Variants in SYNE1 observed in about 807,000 individuals in gnomAD.
SYNE1 encodes the protein spectrin repeat containing nuclear envelope protein 1.
Under a neutral mutation model 1,111.0 loss-of-function variants are expected in SYNE1, and 616 were observed. That is an observed-to-expected ratio of 0.55 (90% CI 0.52 to 0.59). The LOEUF (loss-of-function observed/expected upper bound fraction) is 0.59. SYNE1 is among the 20% of genes least tolerant of loss of function. The probability of loss-of-function intolerance (pLI) is 0.00; values close to 1 mark genes in which losing one functional copy is unlikely to be tolerated. For missense variants in SYNE1, 10,006 were observed against 10,417.0 expected (o/e 0.96, Z 1.72); for synonymous variants, 3,855 against 3,825.8 (o/e 1.01, Z -0.28).
chr6:152,605,024 GA>G (rs1186312999), intron 3 of SYNE1, among the ~76,000 whole-genome samples: 8 of 72,998 alleles, frequency 1.1e-4, no homozygotes, highest in African/African-American at 1.9e-4. Context: ...GAGAGAGAGA[GA>G]GAGAGAGAGA....
chr6:152,275,417 C>T (rs2093543140), intron 98 of SYNE1, among the ~76,000 whole-genome samples: 2 of 152,102 alleles, frequency 1.3e-5, no homozygotes, highest in Admixed American at 1.3e-4. Flanking sequence ...TGATTATTTA[C>T]AGAGTGAGTC....
rs186088819 is a variant in SYNE1 at position 152,289,817 on chromosome 6, G to A, written c.18012+3771C>T. Among the ~76,000 whole-genome samples the A allele has an allele frequency of 3.7e-3, 562 of 152,120 alleles. 2 individuals carry two copies. Among genetic ancestry groups the A allele is most frequent in the Admixed American group, 6.3e-3 (97 of 15,284 alleles). On this transcript the variant is annotated intron_variant, in intron 95 of 145. Transcript: ENST00000367255. ...AAGTTTTTGTATTTTTAGTAGAGAC[G>A]GGGTTTCACCATGTTAGCCAGGATG...
chr6:152,143,839 G>A, intron 137 of SYNE1, 74 bp from the exon 138 acceptor site: 1 of 1,604,834 alleles, frequency 6.2e-7, no homozygotes, highest in Non-Finnish European at 8.5e-7. Context: ...TCAAGGAGAA[G>A]TTTCAGAAAT....
intron 3 of SYNE1, chr6:152,546,547 G>T (rs2099314128): frequency 6.6e-6 from 1 of 152,176 alleles, no homozygotes. Context: ...TCTGCTCTGA[G>T]ACCTCTACAC....
At chr6:152,457,077 C>T (rs2098701194) in intron 22 of SYNE1, among the ~76,000 whole-genome samples, 1 of 151,902 alleles carries the variant, frequency 6.6e-6, no homozygotes, top group Non-Finnish European at 1.5e-5. Context: ...GGAGATATCA[C>T]CATGTCTAAA....
rs777048620 is a variant in SYNE1 at position 152,331,419 on chromosome 6, G to GA, written c.13265dup (p.Ile4423HisfsTer7). 1 of 1,614,144 alleles carries GA rather than the reference G, an allele frequency of 6.2e-7. No individual in the cohort carries two copies. The highest frequency in any genetic ancestry group is 8.5e-7 in the Non-Finnish European group (1 of 1,180,028). On this transcript the variant is annotated frameshift_variant, in exon 78 of 146. Transcript: ENST00000367255. LOFTEE classifies it high-confidence loss of function. ...GTGCATCAGAGAGAGCCTTCTGGAT[G>GA]ACCTGTCGCTCATTGAGACCAAGAT... is the stretch of plus-strand genomic sequence containing the variant.
rs1202636473 is a variant in SYNE1 at position 152,330,741 on chromosome 6, C to T, written c.13944G>A (p.Leu4648=). Residue 4648 remains leucine (L), a synonymous_variant, in exon 78 of 146, where the codon TTG becomes TTA. Coordinates refer to ENST00000367255, the MANE Select transcript of SYNE1 (RefSeq NM_182961.4). ...HSYLSEKLNA[L]PRQFNVIVAL... ...CAACAATTACATTAAATTGTCGAGGCAAAGCATTTAGCTTTTCACTGAGGT... is the reference window on the plus strand; with the variant it reads ...CAACAATTACATTAAATTGTCGAGGTAAAGCATTTAGCTTTTCACTGAGGT... The T allele has an allele frequency of 6.2e-7, 1 of 1,613,902 alleles. No individual in the cohort carries two copies. The highest frequency in any genetic ancestry group is 1.3e-5 in the African/African-American group (1 of 74,910).
intron 10 of SYNE1, among the ~76,000 whole-genome samples, chr6:152,499,628 T>A (rs2099018102): frequency 1.3e-5 from 2 of 152,136 alleles, no homozygotes; most frequent in South Asian, 4.1e-4. Flanking sequence ...AAAGGTTCAC[T>A]AGACAGAATT....
intron 29 of SYNE1, among the ~76,000 whole-genome samples, 176 bp downstream of exon 29, chr6:152,447,282 A>G (rs1049825861): frequency 6.6e-6 from 1 of 152,246 alleles, no homozygotes; most frequent in African/African-American, 2.4e-5. Context: ...CAGACCATAC[A>G]TCAAACATCC....
intron 56 of SYNE1, among the ~76,000 whole-genome samples, chr6:152,380,391 C>T (rs1224316998): frequency 6.6e-6 from 1 of 151,694 alleles, no homozygotes; most frequent in Non-Finnish European, 1.5e-5. Flanking sequence ...GCTCATTCTT[C>T]GGTCTCCCTT....
At chr6:152,509,919 C>G (rs1384222967) in intron 8 of SYNE1, among the ~76,000 whole-genome samples, 1 of 152,102 alleles carries the variant, frequency 6.6e-6, no homozygotes, top group East Asian at 1.9e-4. Context: ...ATAGAATTAT[C>G]CCTCATGCTA....
In SYNE1 at chr6:152,347,100, T is replaced by G. The variant is rs780537297; in HGVS notation, c.12037A>C (p.Thr4013Pro). ...CAGATCGCTGAGTAGCTGTCCTTTGTGCCCTGCAGATGAGCATGCACGTTT... is the reference window on the plus strand; with the variant it reads ...CAGATCGCTGAGTAGCTGTCCTTTGGGCCCTGCAGATGAGCATGCACGTTT... ...KQNVHAHLQG[T>P]KDSYSAICST... Residue 4013 changes from threonine to proline, a missense_variant, in exon 73 of 146, where the codon ACA becomes CCA. By Grantham distance (38) the Thr-to-Pro change is conservative. Around this residue, in one of 7 missense-constraint regions of SYNE1, gnomAD observed 4,955 missense variants for 5,017.2 expected, o/e 0.99. Transcript: ENST00000367255. 3.1e-6 allele frequency: 5 copies of G among 1,614,232 alleles called. No homozygotes were observed. Among genetic ancestry groups the G allele is most frequent in the Non-Finnish European group, 4.2e-6 (5 of 1,180,050 alleles).
chr6:152,352,283 A>G lies in SYNE1; in HGVS notation c.11324T>C (p.Val3775Ala), dbSNP rs761166162. The G allele has an allele frequency of 6.8e-6, 11 of 1,613,950 alleles. No homozygotes were observed. In the South Asian group the frequency reaches 1.2e-4, roughly 18 times the overall value. ...TGCCTCGCCTTCCTCCAAGTATTTA[A>G]CAGCCCTCTCTCCTTTCTCCCGGGC... ...KSAREKGERAVKYLEEGEAER... is the reference protein window; with the variant it reads ...KSAREKGERAAKYLEEGEAER... Residue 3775 changes from valine to alanine, a missense_variant, in exon 70 of 146, where the codon GTT becomes GCT. This residue lies in a region of SYNE1 where 4,955 missense variants were observed against 5,017.2 expected (regional missense o/e 0.99). Coordinates refer to ENST00000367255, the MANE Select transcript of SYNE1 (RefSeq NM_182961.4).
At chr6:152,127,889 G>C (rs2054069330) in intron 145 of SYNE1, 1 of 152,132 alleles carries the variant, frequency 6.6e-6, no homozygotes, top group South Asian at 2.1e-4. Context: ...TTTTAAATGA[G>C]GGCTTTTTTC....
rs766534980 is a variant in SYNE1 at position 152,143,672 on chromosome 6, C to G, written c.25070G>C (p.Arg8357Pro). ...FQIQQTENII[R>P]SKTPTGPELD... ...CTCCGGCCCCGTGGGAGTTTTGCTG[C>G]GAATGATATTTTCGGTTTGCTGTAT... Residue 8357 changes from arginine to proline, a missense_variant, in exon 138 of 146, where the codon CGC becomes CCC. Physicochemically the swap from Arg to Pro is moderately radical, Grantham distance 103 (BLOSUM62 -2). Transcript: ENST00000367255. 3.1e-6 allele frequency: 5 copies of G among 1,614,024 alleles called. No homozygotes were observed. In the African/African-American group the frequency reaches 5.3e-5, roughly 17 times the overall value.
intron 121 of SYNE1, among the ~76,000 whole-genome samples, chr6:152,216,416 G>C (rs747493655): frequency 6.6e-6 from 1 of 152,174 alleles, no homozygotes; most frequent in Non-Finnish European, 1.5e-5. Flanking sequence ...TGGGGGGCCT[G>C]GTCCTGGACA....
At chr6:152,586,402 T>C (rs1565008736) in intron 3 of SYNE1, among the ~76,000 whole-genome samples, 1 of 152,184 alleles carries the variant, frequency 6.6e-6, no homozygotes, top group Non-Finnish European at 1.5e-5. Context: ...CTCATATAAT[T>C]TCTCCGCATT....
intron 128 of SYNE1, among the ~76,000 whole-genome samples, chr6:152,183,621 C>T (rs2068781186): frequency 6.6e-6 from 1 of 152,058 alleles, no homozygotes; most frequent in South Asian, 2.1e-4. Context: ...ATCGAAACTC[C>T]TGCCCTTCAG....
chr6:152,140,284 G>C (rs2058248843), intron 139 of SYNE1, 123 bp from the exon 140 acceptor site: 2 of 935,436 alleles, frequency 2.1e-6, no homozygotes, highest in Non-Finnish European at 3.4e-6. Context: ...ATTCCACTGG[G>C]CATTTTCGTT....
Sources: gnomAD v4.1 joint callset for allele counts (sites outside exome capture counted in the v4.1 genomes callset) on GRCh38, gnomAD v4.1.1 for gene constraint, gnomAD v4.1.1 regional missense constraint, MANE v1.5 for transcripts, NCBI Gene and HGNC (gene_info 2026-07-23, HGNC 2026-07-21) for gene names.